Variants in PCDHGA1 observed in about 807,000 individuals in gnomAD.
PCDHGA1 encodes the protein protocadherin gamma subfamily A, 1.
Under a neutral mutation model 58.0 loss-of-function variants are expected in PCDHGA1, and 32 were observed. The ratio of observed to expected loss-of-function variants is 0.55; its 90% CI spans 0.42 to 0.74. The LOEUF (loss-of-function observed/expected upper bound fraction) is 0.74. Among genes scored for constraint, PCDHGA1 ranks in the 30% least tolerant of loss-of-function variants. The pLI, the probability that PCDHGA1 is intolerant of heterozygous loss-of-function variation, is 0.00. For synonymous variants in PCDHGA1, 498 were observed against 501.1 expected, an observed-to-expected ratio of 0.99 and a Z score of 0.08; for missense variants, 1,205 against 1,182.3, an observed-to-expected ratio of 1.02 and a Z score of -0.28.
chr5:141,412,906 TG>T (rs2095588206), intron 1 of PCDHGA1: 2 of 384,208 alleles, frequency 5.2e-6, no homozygotes, highest in Admixed American at 8.2e-5. Context: ...TTCCATTGCA[TG>T]TATCACTTGG....
chr5:141,340,477 C>G, intron 1 of PCDHGA1: 1 of 1,614,230 alleles, frequency 6.2e-7, no homozygotes, highest in Non-Finnish European at 8.5e-7. Flanking sequence ...CACCCTTATC[C>G]TCTTACATCT....
chr5:141,354,205 T>C (rs1162440808), intron 1 of PCDHGA1, among the ~76,000 whole-genome samples: 1 of 152,210 alleles, frequency 6.6e-6, no homozygotes, highest in Non-Finnish European at 1.5e-5. Flanking sequence ...CAGTCTAACT[T>C]TTCTTTTTAT....
In PCDHGA1 at chr5:141,489,950, A is replaced by G; in HGVS notation, c.2422-4857A>G. 2 of 1,614,192 alleles carry G rather than the reference A, an allele frequency of 1.2e-6. No individual in the cohort carries two copies. The highest frequency in any genetic ancestry group is 1.1e-5 in the South Asian group (1 of 91,088). ...TCTGTCATCGTGCTGGACATCAATG[A>G]TAATGCTCCAACCTTCCAATCCTCA... On this transcript the variant is annotated intron_variant, in intron 1 of 3. Transcript: ENST00000517417. The surrounding 1 kb of genome is among the most constrained non-coding windows in gnomAD (Gnocchi z 4.5).
In PCDHGA1 at chr5:141,486,369, C is replaced by T; in HGVS notation, c.2422-8438C>T. 8 of 1,614,128 alleles carry T rather than the reference C, an allele frequency of 5.0e-6. No homozygotes were observed. The highest frequency in any genetic ancestry group is 6.8e-6 in the Non-Finnish European group (8 of 1,179,996). On this transcript the variant is annotated intron_variant, in intron 1 of 3. Coordinates refer to ENST00000517417, the MANE Select transcript of PCDHGA1 (RefSeq NM_018912.3). The surrounding 1 kb of genome is among the most constrained non-coding windows in gnomAD (Gnocchi z 5.0). ...GACCACTTGCCATTTGCCCTCAAGT[C>T]TGCCTTCAGGAACCAGTTCTCCCTG...
chr5:141,495,449 GCT>G (rs560850951), intron 2 of PCDHGA1, among the ~76,000 whole-genome samples: 3 of 152,194 alleles, frequency 2.0e-5, no homozygotes, highest in Non-Finnish European at 2.9e-5. Flanking sequence ...TACTTGTCCT[GCT>G]CTCTGTCTGT....
At position 141,419,408 on chromosome 5, in the gene PCDHGA1, C is replaced by T. The variant is rs534591654; in HGVS notation, c.2422-75399C>T. On this transcript the variant is annotated intron_variant, in intron 1 of 3. Coordinates refer to ENST00000517417, the MANE Select transcript of PCDHGA1 (RefSeq NM_018912.3). ...CGCGCAGAGCGGGGTGGTGTTCGCG[C>T]AGCGCGCCTTCGACCACGAGCAGCT... 6.2e-6 allele frequency: 10 copies of T among 1,613,508 alleles called. No individual in the cohort carries two copies. The African/African-American group carries it at 1.3e-4, about 21-fold the overall frequency.
At position 141,430,831 on chromosome 5, in the gene PCDHGA1, G is replaced by A; in HGVS notation, c.2422-63976G>A. ...TGGGAATCCTCCTGGGGACTCTGTGGGAGACCGGATGCACCCAGATACGCT... is the reference window on the plus strand; with the variant it reads ...TGGGAATCCTCCTGGGGACTCTGTGAGAGACCGGATGCACCCAGATACGCT... On this transcript the variant is annotated intron_variant, in intron 1 of 3. Coordinates refer to ENST00000517417, the MANE Select transcript of PCDHGA1 (RefSeq NM_018912.3). 3 of 1,555,334 alleles carry A rather than the reference G, an allele frequency of 1.9e-6. No individual in the cohort carries two copies. In the South Asian group the frequency reaches 3.8e-5, roughly 19 times the overall value.
rs771608897 is a variant in PCDHGA1, at chr5:141,490,857, C to T, written c.2422-3950C>T. 58 of 1,613,714 alleles carry T rather than the reference C, an allele frequency of 3.6e-5. 1 individual carries two copies. The highest frequency in any genetic ancestry group is 1.8e-4 in the Admixed American group (11 of 59,992). Reference sequence around the variant, plus strand: ...AGATTGTGGTGGGGGTTCGAGACTCCGGCTCTCCCCCATTGCATGCCAACA... The same window carrying T: ...AGATTGTGGTGGGGGTTCGAGACTCTGGCTCTCCCCCATTGCATGCCAACA... On this transcript the variant is annotated intron_variant, in intron 1 of 3. Transcript: ENST00000517417. The surrounding 1 kb of genome is among the most constrained non-coding windows in gnomAD (Gnocchi z 5.4).
At chr5:141,427,857 G>T (rs746661329) in intron 1 of PCDHGA1, 2 of 1,554,576 alleles carry the variant, frequency 1.3e-6, no homozygotes, top group Admixed American at 3.3e-5. Flanking sequence ...GCAGCTGTGC[G>T]CCTTCGAGCT....
At position 141,486,368 on chromosome 5, in the gene PCDHGA1, T is replaced by C. The variant is rs1217513529; in HGVS notation, c.2422-8439T>C. 6.2e-7 allele frequency: 1 copy of C among 1,614,014 alleles called. No homozygotes were observed. Among genetic ancestry groups the C allele is most frequent in the Non-Finnish European group, 8.5e-7 (1 of 1,180,000 alleles). On this transcript the variant is annotated intron_variant, in intron 1 of 3. Coordinates refer to ENST00000517417, the MANE Select transcript of PCDHGA1 (RefSeq NM_018912.3). This position sits in a 1 kb window ranked among gnomAD's most constrained non-coding sequence, Gnocchi z 5.0. ...TGACCACTTGCCATTTGCCCTCAAGTCTGCCTTCAGGAACCAGTTCTCCCT... is the reference window on the plus strand; with the variant it reads ...TGACCACTTGCCATTTGCCCTCAAGCCTGCCTTCAGGAACCAGTTCTCCCT...
In PCDHGA1 at chr5:141,491,907, G is replaced by A; in HGVS notation, c.2422-2900G>A. 5 of 1,408,726 alleles carry A rather than the reference G, an allele frequency of 3.5e-6. No homozygotes were observed. In the South Asian group the frequency reaches 7.5e-5, roughly 21 times the overall value. The allele number at this position is 1,408,726 out of a possible 1,614,324, so 87.3% of individuals were successfully genotyped here. A position where few individuals can be genotyped will look rare whatever the true frequency, so the allele number is the denominator to read the frequency against. ...TGGGGCTCCGAGCACCGGGGGTGGTGGCGACTGTGGGCGAGGGGAGGTGGG... is the reference window on the plus strand; with the variant it reads ...TGGGGCTCCGAGCACCGGGGGTGGTAGCGACTGTGGGCGAGGGGAGGTGGG... On this transcript the variant is annotated intron_variant, in intron 1 of 3. Coordinates refer to ENST00000517417, the MANE Select transcript of PCDHGA1 (RefSeq NM_018912.3). This position sits in a 1 kb window ranked among gnomAD's most constrained non-coding sequence, Gnocchi z 6.9.
chr5:141,352,228 G>A (rs1370404445), intron 1 of PCDHGA1: 1 of 1,614,098 alleles, frequency 6.2e-7, no homozygotes, highest in Admixed American at 1.7e-5. Context: ...CCGCCACGCT[G>A]CACCTAATCT....
chr5:141,394,667 G>C, intron 1 of PCDHGA1: 5 of 1,613,252 alleles, frequency 3.1e-6, no homozygotes, highest in Non-Finnish European at 4.2e-6. Flanking sequence ...GACTCTTCTC[G>C]GTGGGTCTGC....
intron 1 of PCDHGA1, chr5:141,340,270 C>T: frequency 6.2e-7 from 1 of 1,614,130 alleles, no homozygotes; most frequent in Non-Finnish European, 8.5e-7. Flanking sequence ...CCTCCCTGTC[C>T]ACGGATGCTC....
In PCDHGA1 at chr5:141,490,751, C is replaced by T. The variant is rs2099703884; in HGVS notation, c.2422-4056C>T. 6.2e-6 allele frequency: 10 copies of T among 1,614,092 alleles called. No individual in the cohort carries two copies. The highest frequency in any genetic ancestry group is 1.7e-5 in the Admixed American group (1 of 60,012). ...AATCAGGTTCAGGGAGCCCCAGCCT[C>T]CTCCTTTGTGTATGTCAACCCAGAG... On this transcript the variant is annotated intron_variant, in intron 1 of 3. Coordinates refer to ENST00000517417, the MANE Select transcript of PCDHGA1 (RefSeq NM_018912.3). This position sits in a 1 kb window ranked among gnomAD's most constrained non-coding sequence, Gnocchi z 5.4.
chr5:141,366,628 T>A, intron 1 of PCDHGA1: 1 of 1,614,132 alleles, frequency 6.2e-7, no homozygotes, highest in Admixed American at 1.7e-5. Flanking sequence ...CGAGGAAGAG[T>A]CACCTGATCT....
chr5:141,393,744 G>T (rs770821376), intron 1 of PCDHGA1: 3 of 1,613,868 alleles, frequency 1.9e-6, no homozygotes, highest in South Asian at 2.2e-5. Context: ...AGATTATGAA[G>T]AATGTTCATT....
At chr5:141,403,058 C>A in intron 1 of PCDHGA1, 1 of 1,614,060 alleles carries the variant, frequency 6.2e-7, no homozygotes, top group Non-Finnish European at 8.5e-7. Context: ...CTACTCAGTG[C>A]CTGAAGAGAC....
chr5:141,464,377 T>A (rs1410334231), intron 1 of PCDHGA1, among the ~76,000 whole-genome samples: 3 of 151,486 alleles, frequency 2.0e-5, no homozygotes, highest in Admixed American at 2.0e-4. Flanking sequence ...TTTTGCAATA[T>A]AAAAAATGCT....
Sources: allele counts gnomAD v4.1 joint callset (sites outside exome capture counted in the v4.1 genomes callset), GRCh38; gene constraint gnomAD v4.1.1; non-coding constraint Gnocchi (gnomAD v3.1); transcripts MANE v1.5; gene names NCBI Gene and HGNC (gene_info 2026-07-23, HGNC 2026-07-21).